SLC24A2: variants seen among roughly 807,000 people sequenced by gnomAD.
SLC24A2 encodes the protein sodium/potassium/calcium exchanger 2.
A neutral mutation model predicts 62.0 loss-of-function variants in SLC24A2; 36 were observed. The observed-to-expected ratio is 0.58, with a 90% CI of 0.44 to 0.77. The LOEUF is 0.77. Ranked by LOEUF, SLC24A2 falls within the 30% of genes least tolerant of loss-of-function variation. The pLI is 0.00. For synonymous variants in SLC24A2, 358 were observed against 294.0 expected, an observed-to-expected ratio of 1.22 and a Z score of -2.23; for missense variants, 846 against 817.9, an observed-to-expected ratio of 1.03 and a Z score of -0.42.
intron 2 of SLC24A2, among the ~76,000 whole-genome samples, chr9:19,735,948 T>C (rs758866960): frequency 6.6e-6 from 1 of 152,090 alleles, no homozygotes; most frequent in Non-Finnish European, 1.5e-5. Flanking sequence ...ATGGCACATG[T>C]ATACATATGT....
At chr9:19,979,072 G>A in the SLC24A2 span, among the ~76,000 whole-genome samples, 591 of 152,246 alleles carry the variant, frequency 3.9e-3, 3 homozygotes, top group African/African-American at 0.014. Flanking sequence ...GAAGAGCAGA[G>A]GAATAAAATA....
At chr9:19,929,915 A>T in the SLC24A2 span, 1 of 152,230 alleles carries the variant, frequency 6.6e-6, no homozygotes, top group Non-Finnish European at 1.5e-5. Context: ...AAAAAATATT[A>T]AAAATTTTAA....
the SLC24A2 span, chr9:19,967,405 C>G: frequency 2.0e-5 from 3 of 152,180 alleles, no homozygotes; most frequent in African/African-American, 4.8e-5. Context: ...GATGAAGTGT[C>G]TCTTAATCTA....
chr9:19,525,735 T>C (rs1032502056), intron 9 of SLC24A2, among the ~76,000 whole-genome samples: 16 of 151,194 alleles, frequency 1.1e-4, no homozygotes, highest in Non-Finnish European at 5.9e-5. Context: ...GCAGCCATGT[T>C]TCTCCACATC....
At chr9:20,128,186 T>A in the SLC24A2 span, among the ~76,000 whole-genome samples, 1 of 152,132 alleles carries the variant, frequency 6.6e-6, no homozygotes, top group African/African-American at 2.4e-5. Context: ...GGTTTGTGTG[T>A]TTTAGAAATA....
the SLC24A2 span, among the ~76,000 whole-genome samples, chr9:20,284,454 T>A: frequency 1.3e-5 from 2 of 152,022 alleles, no homozygotes; most frequent in East Asian, 3.9e-4. Flanking sequence ...AGGTACATTA[T>A]CTTAATAACT....
At chr9:20,207,947 T>C in the SLC24A2 span, among the ~76,000 whole-genome samples, 1 of 152,220 alleles carries the variant, frequency 6.6e-6, no homozygotes, top group African/African-American at 2.4e-5. Context: ...ATTCCTTCAA[T>C]ATTTAGAACA....
chr9:19,996,429 T>G, the SLC24A2 span, among the ~76,000 whole-genome samples: 1 of 152,144 alleles, frequency 6.6e-6, no homozygotes, highest in Non-Finnish European at 1.5e-5. Flanking sequence ...ATCACATTCA[T>G]CACTCTTGGC....
intron 2 of SLC24A2, among the ~76,000 whole-genome samples, chr9:19,755,895 G>A (rs1822125865): frequency 6.8e-6 from 1 of 146,482 alleles, no homozygotes; most frequent in African/African-American, 2.5e-5. Context: ...TTTTAGCGAT[G>A]TAGCTCTCAT....
the SLC24A2 span, among the ~76,000 whole-genome samples, chr9:20,226,654 G>C: frequency 2.6e-5 from 4 of 152,076 alleles, no homozygotes; most frequent in South Asian, 2.1e-4. Context: ...CATGAAGCTG[G>C]AGCAATACCT....
At chr9:20,061,837 G>A in the SLC24A2 span, among the ~76,000 whole-genome samples, 2 of 151,790 alleles carry the variant, frequency 1.3e-5, no homozygotes, top group African/African-American at 2.4e-5. Context: ...CCTGGTAAAC[G>A]GGACTTTACA....
intron 5 of SLC24A2, among the ~76,000 whole-genome samples, chr9:19,587,611 T>G (rs373440545): frequency 7.2e-5 from 11 of 152,074 alleles, no homozygotes; most frequent in African/African-American, 2.7e-4. Context: ...AAACTTACCA[T>G]GCCTAATTGA....
the SLC24A2 span, among the ~76,000 whole-genome samples, chr9:20,255,647 A>G: frequency 3.3e-3 from 495 of 152,248 alleles, 3 homozygotes; most frequent in African/African-American, 0.011. Flanking sequence ...ATTTCCTCAC[A>G]GTATGGAGAG....
Position 19,528,051 on chromosome 9 carries a change from G to A in SLC24A2, c.1567C>T (p.Gln523Ter). The A allele has an allele frequency of 6.4e-7, 1 of 1,573,002 alleles. No homozygotes were observed. Among genetic ancestry groups the A allele is most frequent in the Non-Finnish European group, 8.7e-7 (1 of 1,152,648 alleles). The change falls in exon 9 of 11, where the codon CAG becomes TAG. Residue 523 changes from glutamine to a stop codon, truncating the protein, a stop_gained and splice_region_variant. Transcript: ENST00000341998. LOFTEE classifies it high-confidence loss of function. ...GCATGTCACTATCAAAATCTTACCT[G>A]GTGCGCCCACCAGACCATCAAGTAA... is the stretch of plus-strand genomic sequence containing the variant. ...FSYLMVWWAH[Q>*]VGETIGISEE...
intron 8 of SLC24A2, among the ~76,000 whole-genome samples, chr9:19,533,783 T>C (rs540297284): frequency 6.6e-6 from 1 of 152,218 alleles, no homozygotes; most frequent in Non-Finnish European, 1.5e-5. Context: ...TAGGTTGGGG[T>C]GGTATGTTAC....
At chr9:20,145,601 A>ATGTGTG in the SLC24A2 span, among the ~76,000 whole-genome samples, 1 of 146,036 alleles carries the variant, frequency 6.8e-6, no homozygotes, top group Non-Finnish European at 1.5e-5. Flanking sequence ...CATCACATGT[A>ATGTGTG]TGTGTGTGTG....
At chr9:19,995,079 C>CT in the SLC24A2 span, among the ~76,000 whole-genome samples, 115,485 of 145,396 alleles carry the variant, frequency 0.79, 46,290 homozygotes, top group Non-Finnish European at 0.86. Flanking sequence ...TATCTCAGGC[C>CT]TTTTTTTTTT....
chr9:20,121,686 C>T, the SLC24A2 span, among the ~76,000 whole-genome samples: 1 of 152,132 alleles, frequency 6.6e-6, no homozygotes, highest in African/African-American at 2.4e-5. Flanking sequence ...CCTCATTGCA[C>T]ATTAGAAAGA....
At chr9:19,659,657 C>T (rs1020054036) in intron 2 of SLC24A2, among the ~76,000 whole-genome samples, 1 of 152,122 alleles carries the variant, frequency 6.6e-6, no homozygotes, top group Non-Finnish European at 1.5e-5. Flanking sequence ...AACCTGACGA[C>T]TAGGGCTGCA....
Sources: gnomAD v4.1 joint callset for allele counts (sites outside exome capture counted in the v4.1 genomes callset) on GRCh38, gnomAD v4.1.1 for gene constraint, MANE v1.5 for transcripts, NCBI Gene and HGNC (gene_info 2026-07-23, HGNC 2026-07-21) for gene names.